Variants in DIP2B observed in about 807,000 individuals in gnomAD.
DIP2B encodes the protein DIP2 acetate--CoA ligase B (putative).
In DIP2B, 76 loss-of-function variants were observed where a neutral mutation model predicts 198.0. The ratio of observed to expected loss-of-function variants is 0.38; its 90% CI spans 0.32 to 0.46. The LOEUF (loss-of-function observed/expected upper bound fraction) is 0.46. DIP2B is among the 20% of genes least tolerant of loss of function. DIP2B has a pLI of 0.99. For missense variants in DIP2B, 1,559 were observed against 1,978.4 expected (o/e 0.79, Z 4.02); for synonymous variants, 701 against 739.1 (o/e 0.95, Z 0.84).
intron 1 of DIP2B, among the ~76,000 whole-genome samples, chr12:50,582,429 C>T (rs997090546): frequency 1.4e-4 from 21 of 152,002 alleles, no homozygotes; most frequent in Admixed American, 9.8e-4. Flanking sequence ...GGATTACAGG[C>T]GTGACCCACC....
At chr12:50,623,531 A>G (rs544698524) in intron 1 of DIP2B, among the ~76,000 whole-genome samples, 92 of 149,946 alleles carry the variant, frequency 6.1e-4, no homozygotes, top group African/African-American at 1.8e-3. Context: ...ACACACACGC[A>G]CACACACACA....
Position 50,663,165 on chromosome 12 carries a change from G to A in DIP2B, c.427+2846G>A, listed in dbSNP as rs192605753. Reference sequence around the variant, plus strand: ...TGTGGTGCCGGGCGCAGTGGCTCACGCCTGTAATCCCAGCACTTTGGGAGG... The same window carrying A: ...TGTGGTGCCGGGCGCAGTGGCTCACACCTGTAATCCCAGCACTTTGGGAGG... On this transcript the variant is annotated intron_variant, in intron 4 of 37. Coordinates refer to ENST00000301180, the MANE Select transcript of DIP2B (RefSeq NM_173602.3). 4.1e-4 allele frequency among the ~76,000 whole-genome samples: 63 copies of A among 152,230 alleles called. No individual in the cohort carries two copies. The East Asian group carries it at 0.011, about 27-fold the overall frequency.
chr12:50,507,657 C>T (rs1204777866), intron 1 of DIP2B, among the ~76,000 whole-genome samples: 1 of 152,108 alleles, frequency 6.6e-6, no homozygotes, highest in Non-Finnish European at 1.5e-5. Flanking sequence ...TCAGCCTCCC[C>T]AGTAGCTGGG....
intron 1 of DIP2B, among the ~76,000 whole-genome samples, chr12:50,540,215 T>C (rs920757713): frequency 1.3e-5 from 2 of 150,776 alleles, no homozygotes; most frequent in Admixed American, 1.3e-4. Flanking sequence ...TTTAAGCAAT[T>C]CTCTGCCTCA....
chr12:50,648,664 CCT>C (rs137984550), intron 3 of DIP2B, among the ~76,000 whole-genome samples: 53,298 of 140,074 alleles, frequency 0.38, 10,628 homozygotes, highest in East Asian at 0.55. Flanking sequence ...CGCCCAGCCC[CCT>C]TTTTTTTTTT....
intron 33 of DIP2B, 151 bp downstream of exon 33, chr12:50,734,347 C>T: frequency 1.4e-6 from 1 of 722,934 alleles, no homozygotes; most frequent in Non-Finnish European, 2.3e-6. Context: ...ATCATTAATA[C>T]ATAAGATTTA....
intron 1 of DIP2B, among the ~76,000 whole-genome samples, chr12:50,516,576 T>C (rs1466465013): frequency 2.0e-5 from 3 of 151,840 alleles, no homozygotes; most frequent in Non-Finnish European, 2.9e-5. Context: ...TACTATCACA[T>C]TGGGAATTAA....
chr12:50,645,603 A>G (rs1285024947), intron 3 of DIP2B, among the ~76,000 whole-genome samples: 6 of 152,016 alleles, frequency 3.9e-5, no homozygotes, highest in Non-Finnish European at 8.8e-5. Context: ...AAGTACAGGC[A>G]CATGCTACTG....
intron 1 of DIP2B, among the ~76,000 whole-genome samples, chr12:50,624,242 G>A (rs1593664949): frequency 6.6e-6 from 1 of 152,042 alleles, no homozygotes; most frequent in African/African-American, 2.4e-5. Flanking sequence ...GTCTCTTCTT[G>A]TGTGTCCCAC....
At chr12:50,574,305 C>T (rs568918498) in intron 1 of DIP2B, among the ~76,000 whole-genome samples, 2 of 152,190 alleles carry the variant, frequency 1.3e-5, no homozygotes, top group African/African-American at 2.4e-5. Flanking sequence ...CTTCTCCACA[C>T]GGGTTCTGGA....
intron 19 of DIP2B, 129 bp downstream of exon 19, chr12:50,699,331 C>A (rs575267640): frequency 7.3e-7 from 1 of 1,378,890 alleles, no homozygotes; most frequent in Non-Finnish European, 9.8e-7. Flanking sequence ...CTAGACTTGC[C>A]TAAGTTCAAA....
At chr12:50,647,566 T>G (rs1354601912) in intron 3 of DIP2B, among the ~76,000 whole-genome samples, 1 of 152,138 alleles carries the variant, frequency 6.6e-6, no homozygotes. Context: ...CTGCAAGAGG[T>G]CAGTACCTTA....
At chr12:50,683,331 T>TA (rs1002522900) in intron 10 of DIP2B, 83 bp downstream of exon 10, 101 of 1,153,844 alleles carry the variant, frequency 8.8e-5, no homozygotes, top group Non-Finnish European at 1.0e-4. Context: ...GTCACAACAG[T>TA]AAAAACTGTT....
At chr12:50,578,436 T>C (rs1265655238) in intron 1 of DIP2B, among the ~76,000 whole-genome samples, 1 of 152,062 alleles carries the variant, frequency 6.6e-6, no homozygotes, top group Non-Finnish European at 1.5e-5. Context: ...TATTTCATTA[T>C]ATAGAATCAA....
At chr12:50,556,699 C>T (rs999657320) in intron 1 of DIP2B, among the ~76,000 whole-genome samples, 5 of 152,024 alleles carry the variant, frequency 3.3e-5, no homozygotes, top group Non-Finnish European at 5.9e-5. Context: ...CATGCCACCA[C>T]ACCTGGCTAA....
chr12:50,520,147 C>T (rs1366653468), intron 1 of DIP2B, among the ~76,000 whole-genome samples: 1 of 148,350 alleles, frequency 6.7e-6, no homozygotes, highest in African/African-American at 2.5e-5. Flanking sequence ...AAGCCATTGT[C>T]CTGCCTCAGC....
intron 1 of DIP2B, among the ~76,000 whole-genome samples, chr12:50,521,094 GTTTTTTTTTTT>G (rs386376482): frequency 2.1e-5 from 2 of 94,324 alleles, no homozygotes; most frequent in East Asian, 5.8e-4. Context: ...TTCAGCAACA[GTTTTTTTTTTT>G]TTTTTTTTTT....
At chr12:50,627,384 A>G (rs1040802776) in intron 2 of DIP2B, among the ~76,000 whole-genome samples, 3 of 151,936 alleles carry the variant, frequency 2.0e-5, no homozygotes, top group Non-Finnish European at 4.4e-5. Context: ...CCCAGGCGGG[A>G]GCGCAGTGGT....
At chr12:50,574,826 G>A (rs762497240) in intron 1 of DIP2B, among the ~76,000 whole-genome samples, 3 of 152,212 alleles carry the variant, frequency 2.0e-5, no homozygotes, top group Non-Finnish European at 4.4e-5. Flanking sequence ...TTTTAGGGAA[G>A]AGACCTTGTA....
Sources: gnomAD v4.1 joint callset for allele counts (sites outside exome capture counted in the v4.1 genomes callset) on GRCh38, gnomAD v4.1.1 for gene constraint, MANE v1.5 for transcripts, NCBI Gene and HGNC (gene_info 2026-07-23, HGNC 2026-07-21) for gene names.